The following KHDRBS3 variants were observed in gnomAD, a reference collection of about 807,000 sequenced individuals.
KHDRBS3 encodes KH domain-containing, RNA-binding, signal transduction-associated protein 3.
Under a neutral mutation model 45.6 loss-of-function variants are expected in KHDRBS3, and 23 were observed. The ratio of observed to expected loss-of-function variants is 0.50; its 90% CI spans 0.36 to 0.72. KHDRBS3 has a LOEUF of 0.72. KHDRBS3 is among the 30% of genes least tolerant of loss of function. The pLI, the probability that KHDRBS3 is intolerant of heterozygous loss-of-function variation, is 0.00. For synonymous variants in KHDRBS3, 162 were observed against 156.5 expected (o/e 1.04, Z -0.26); for missense variants, 352 against 424.8 (o/e 0.83, Z 1.51).
intron 2 of KHDRBS3, among the ~76,000 whole-genome samples, chr8:135,524,549 T>A (rs1254111589): frequency 6.6e-6 from 1 of 152,182 alleles, no homozygotes; most frequent in Non-Finnish European, 1.5e-5. Flanking sequence ...TCGTGAAAAT[T>A]TGTTTTTAAA....
chr8:135,545,339 A>G (rs990710614), intron 3 of KHDRBS3, among the ~76,000 whole-genome samples: 19 of 152,214 alleles, frequency 1.2e-4, no homozygotes, highest in Non-Finnish European at 1.5e-5. Context: ...TGTGTAAGCA[A>G]CATGGGAAAA....
At chr8:135,506,832 G>GTT (rs201484284) in intron 1 of KHDRBS3, among the ~76,000 whole-genome samples, 1 of 149,944 alleles carries the variant, frequency 6.7e-6, no homozygotes, top group African/African-American at 2.4e-5. Context: ...TTGTACCATT[G>GTT]TTTTTTTTTA....
At chr8:135,644,123 A>G (rs1351824328) in intron 7 of KHDRBS3, among the ~76,000 whole-genome samples, 1 of 152,212 alleles carries the variant, frequency 6.6e-6, no homozygotes, top group African/African-American at 2.4e-5. Flanking sequence ...TCTTTCTCAA[A>G]TACTCAGAAT....
At chr8:135,460,048 A>C (rs561805788) in intron 1 of KHDRBS3, among the ~76,000 whole-genome samples, 1 of 152,370 alleles carries the variant, frequency 6.6e-6, no homozygotes, top group Admixed American at 6.5e-5. Flanking sequence ...GCAGAGCTTT[A>C]TCATTTAAAA....
intron 7 of KHDRBS3, among the ~76,000 whole-genome samples, chr8:135,620,144 C>T (rs1234743844): frequency 6.6e-6 from 1 of 151,210 alleles, no homozygotes; most frequent in Non-Finnish European, 1.5e-5. Flanking sequence ...GTGATCTCTG[C>T]TCACTGCAAC....
chr8:135,626,153 G>A (rs1259300344), intron 7 of KHDRBS3, among the ~76,000 whole-genome samples: 1 of 152,140 alleles, frequency 6.6e-6, no homozygotes, highest in East Asian at 1.9e-4. Flanking sequence ...CTTCATATAT[G>A]TATATAACAC....
At position 135,565,186 on chromosome 8, in the gene KHDRBS3, C is replaced by T. The variant is rs1169542157; in HGVS notation, c.611+7599C>T. Among the ~76,000 whole-genome samples, 5 of 152,078 alleles carry T rather than the reference C, an allele frequency of 3.3e-5. 1 individual carries two copies. Among genetic ancestry groups the T allele is most frequent in the East Asian group, 3.9e-4 (2 of 5,164 alleles). On this transcript the variant is annotated intron_variant, in intron 5 of 8. Coordinates refer to ENST00000355849, the MANE Select transcript of KHDRBS3 (RefSeq NM_006558.3). ...AAGGATTCCAAAGGAGCTTCTTGCC[C>T]GGTTTAAGATTAGCCTCTGGAATTT...
intron 1 of KHDRBS3, among the ~76,000 whole-genome samples, chr8:135,478,517 C>T (rs1389502101): frequency 6.6e-6 from 1 of 152,156 alleles, no homozygotes; most frequent in Non-Finnish European, 1.5e-5. Context: ...CTGGTAACCA[C>T]AGGAAATGCA....
chr8:135,640,487 C>T (rs182600893), intron 7 of KHDRBS3, among the ~76,000 whole-genome samples: 10 of 152,286 alleles, frequency 6.6e-5, no homozygotes, highest in African/African-American at 2.4e-4. Context: ...TGAACTTGGT[C>T]TCAGTGCTAT....
At chr8:135,468,563 A>C (rs190611521) in intron 1 of KHDRBS3, among the ~76,000 whole-genome samples, 22 of 152,368 alleles carry the variant, frequency 1.4e-4, no homozygotes, top group African/African-American at 5.0e-4. Flanking sequence ...GCAGAAAAGC[A>C]GCCACAGACA....
intron 7 of KHDRBS3, among the ~76,000 whole-genome samples, chr8:135,623,122 G>T (rs1395621955): frequency 6.6e-6 from 1 of 152,170 alleles, no homozygotes; most frequent in Non-Finnish European, 1.5e-5. Flanking sequence ...TTCATGCAAA[G>T]AATTGTCATT....
chr8:135,637,116 C>T (rs1830846860), intron 7 of KHDRBS3, among the ~76,000 whole-genome samples: 1 of 152,234 alleles, frequency 6.6e-6, no homozygotes, highest in South Asian at 2.1e-4. Flanking sequence ...TATTCAATAC[C>T]CTCCTGGGGA....
intron 5 of KHDRBS3, among the ~76,000 whole-genome samples, chr8:135,581,254 C>T (rs575901954): frequency 4.4e-4 from 67 of 152,246 alleles, no homozygotes; most frequent in Admixed American, 1.5e-3. Flanking sequence ...CTTGATAGAG[C>T]CATCTCCTTC....
intron 1 of KHDRBS3, among the ~76,000 whole-genome samples, chr8:135,500,829 A>G (rs1164386178): frequency 6.6e-6 from 1 of 152,238 alleles, no homozygotes; most frequent in Admixed American, 6.5e-5. Context: ...ACAAAGTAGT[A>G]TAGGGTGAAT....
At chr8:135,563,509 A>G (rs1827263979) in intron 5 of KHDRBS3, among the ~76,000 whole-genome samples, 1 of 152,158 alleles carries the variant, frequency 6.6e-6, no homozygotes, top group African/African-American at 2.4e-5. Flanking sequence ...TCATTGGTCA[A>G]GCCAATTTAC....
intron 1 of KHDRBS3, among the ~76,000 whole-genome samples, chr8:135,460,888 G>T (rs1004966097): frequency 6.6e-6 from 1 of 152,114 alleles, no homozygotes; most frequent in African/African-American, 2.4e-5. Flanking sequence ...TTCAGTGTTC[G>T]TAAAGATTGA....
intron 2 of KHDRBS3, among the ~76,000 whole-genome samples, chr8:135,531,809 A>C (rs1563747629): frequency 1.3e-5 from 2 of 152,186 alleles, no homozygotes; most frequent in Non-Finnish European, 2.9e-5. Flanking sequence ...GGAATAGTGG[A>C]TCATAACATT....
chr8:135,637,669 A>G (rs1014817499), intron 7 of KHDRBS3, among the ~76,000 whole-genome samples: 12 of 152,182 alleles, frequency 7.9e-5, no homozygotes, highest in Admixed American at 2.0e-4. Flanking sequence ...TTATTGAGAC[A>G]TGGACAAAGT....
intron 6 of KHDRBS3, among the ~76,000 whole-genome samples, chr8:135,591,662 A>G (rs1828750674): frequency 6.6e-6 from 1 of 152,226 alleles, no homozygotes; most frequent in East Asian, 1.9e-4. Flanking sequence ...GACTAGGAAC[A>G]TCAATGAAGG....
Sources: allele counts gnomAD v4.1 joint callset (sites outside exome capture counted in the v4.1 genomes callset), GRCh38; gene constraint gnomAD v4.1.1; transcripts MANE v1.5; gene names NCBI Gene and HGNC (gene_info 2026-07-23, HGNC 2026-07-21).